CSMD2: variants seen among roughly 807,000 people sequenced by gnomAD.
The protein encoded by CSMD2 is CUB and Sushi multiple domains 2.
A neutral mutation model predicts 398.5 loss-of-function variants in CSMD2; 130 were observed. The observed-to-expected ratio is 0.33, with a 90% CI of 0.28 to 0.38. The LOEUF (loss-of-function observed/expected upper bound fraction) is 0.38, where lower values mean the gene tolerates loss of function less well. Ranked by LOEUF, CSMD2 falls within the 10% of genes least tolerant of loss-of-function variation. The probability of loss-of-function intolerance (pLI) is 1.00; values close to 1 mark genes in which losing one functional copy is unlikely to be tolerated. For synonymous variants in CSMD2, 1,828 were observed against 1,908.5 expected, an observed-to-expected ratio of 0.96 and a Z score of 1.10; for missense variants, 3,829 against 4,764.9, an observed-to-expected ratio of 0.80 and a Z score of 5.78.
At chr1:34,088,830 GA>G in intron 2 of CSMD2, 146 bp downstream of exon 2, 1 of 689,528 alleles carries the variant, frequency 1.5e-6, no homozygotes. Context: ...ACATGAATTG[GA>G]AAACCAGAGG....
chr1:34,009,127 C>T (rs1647161323), intron 3 of CSMD2, among the ~76,000 whole-genome samples: 1 of 152,112 alleles, frequency 6.6e-6, no homozygotes, highest in South Asian at 2.1e-4. Context: ...GACCCTTTCT[C>T]TCTCAGGACT....
intron 3 of CSMD2, among the ~76,000 whole-genome samples, chr1:34,027,109 A>G (rs1649746330): frequency 6.6e-6 from 1 of 152,244 alleles, no homozygotes; most frequent in Admixed American, 6.5e-5. Context: ...ATAAAAATGA[A>G]AACTGCTGTA....
intron 13 of CSMD2, among the ~76,000 whole-genome samples, chr1:33,748,722 C>T (rs1647749718): frequency 6.6e-6 from 1 of 151,956 alleles, no homozygotes; most frequent in Admixed American, 6.5e-5. Flanking sequence ...ACTTTATGTC[C>T]AAAAGCATGA....
intron 1 of CSMD2, among the ~76,000 whole-genome samples, chr1:34,147,292 G>T (rs1157461370): frequency 6.6e-6 from 1 of 151,950 alleles, no homozygotes; most frequent in Non-Finnish European, 1.5e-5. Flanking sequence ...AAGAAATAAA[G>T]AATAAAAAGA....
At chr1:33,932,312 A>G (rs1644337970) in intron 4 of CSMD2, among the ~76,000 whole-genome samples, 1 of 152,150 alleles carries the variant, frequency 6.6e-6, no homozygotes, top group Non-Finnish European at 1.5e-5. Flanking sequence ...ACAGCAACAC[A>G]GTAGATGAGA....
intron 37 of CSMD2, 125 bp from the exon 38 acceptor site, chr1:33,617,742 C>T (rs1641489222): frequency 2.9e-6 from 2 of 694,672 alleles, no homozygotes; most frequent in African/African-American, 3.5e-5. Context: ...TTTCTCTCAT[C>T]CTGTAGGCTA....
chr1:33,923,426 C>T (rs1570519012), intron 4 of CSMD2, among the ~76,000 whole-genome samples: 2 of 152,294 alleles, frequency 1.3e-5, no homozygotes, highest in East Asian at 3.9e-4. Flanking sequence ...CTCCCTGAGG[C>T]CTCCCCAGAA....
intron 2 of CSMD2, among the ~76,000 whole-genome samples, chr1:34,035,413 TGAA>T (rs1558280613): frequency 6.6e-6 from 1 of 151,816 alleles, no homozygotes; most frequent in African/African-American, 2.4e-5. Context: ...TAAAGAAAAA[TGAA>T]GATCAATATT....
At chr1:33,620,027 A>T (rs752463298) in intron 37 of CSMD2, among the ~76,000 whole-genome samples, 26 of 152,322 alleles carry the variant, frequency 1.7e-4, no homozygotes, top group Non-Finnish European at 2.9e-4. Context: ...TGGTAGGAAG[A>T]AAAATGGAAT....
intron 6 of CSMD2, among the ~76,000 whole-genome samples, chr1:33,837,621 T>A (rs1660438996): frequency 6.6e-6 from 1 of 152,220 alleles, no homozygotes; most frequent in African/African-American, 2.4e-5. Flanking sequence ...TTTCTGCGTA[T>A]AACAAGCACA....
intron 3 of CSMD2, among the ~76,000 whole-genome samples, chr1:34,007,149 C>T (rs1647084810): frequency 2.6e-5 from 4 of 152,084 alleles, no homozygotes; most frequent in African/African-American, 9.7e-5. Context: ...GACTGGCCCG[C>T]CTCGACCTGA....
intron 8 of CSMD2, 42 bp from the exon 9 acceptor site, chr1:33,819,879 GC>G: frequency 6.2e-7 from 1 of 1,608,994 alleles, no homozygotes; most frequent in South Asian, 1.1e-5. Flanking sequence ...CCCTGGGCCT[GC>G]CAAGCCCCGC....
At chr1:33,901,752 T>C (rs1451786378) in intron 5 of CSMD2, among the ~76,000 whole-genome samples, 1 of 152,192 alleles carries the variant, frequency 6.6e-6, no homozygotes, top group East Asian at 1.9e-4. Context: ...GAAAAATATT[T>C]GTGAAATAAA....
chr1:34,051,789 G>A (rs961567847), intron 2 of CSMD2, among the ~76,000 whole-genome samples: 1 of 152,164 alleles, frequency 6.6e-6, no homozygotes, highest in East Asian at 1.9e-4. Flanking sequence ...GAGTTGACAA[G>A]GGGTGGATTT....
rs146731551 is a variant in CSMD2 at position 33,952,825 on chromosome 1, A to T, written c.518-16871T>A. On this transcript the variant is annotated intron_variant, in intron 3 of 70. Transcript: ENST00000373381. ...GTAGACACGCAAAAACTATTTCTTG[A>T]ATCAACGACTCTATGAATGAATGGA... Among the ~76,000 whole-genome samples, 39 of 152,322 alleles carry T rather than the reference A, an allele frequency of 2.6e-4. No individual in the cohort carries two copies. The East Asian group carries it at 7.1e-3, about 28-fold the overall frequency.
At chr1:34,101,066 G>A (rs1415387160) in intron 1 of CSMD2, among the ~76,000 whole-genome samples, 28 of 152,212 alleles carry the variant, frequency 1.8e-4, no homozygotes, top group Admixed American at 1.8e-3. Context: ...AATGTGAATG[G>A]AATGGGAGCT....
intron 29 of CSMD2, among the ~76,000 whole-genome samples, chr1:33,637,530 C>A (rs1462678904): frequency 6.6e-6 from 1 of 152,196 alleles, no homozygotes; most frequent in African/African-American, 2.4e-5. Context: ...AGCTGGAAAT[C>A]CTGAGCAGCA....
At position 33,617,450 on chromosome 1, in the gene CSMD2, A is replaced by G. The variant is rs779981801; in HGVS notation, c.5946+49T>C. On this transcript the variant is annotated intron_variant, in intron 38 of 70. Coordinates refer to ENST00000373381, the MANE Select transcript of CSMD2 (RefSeq NM_001281956.2). The stretch of plus-strand genomic sequence containing the variant: ...TCTGCTGGTGTAAGGCTGGCCAACC[A>G]CATCTCAGGGGACACCTGTTTCCTG... 1.7e-5 allele frequency: 24 copies of G among 1,441,182 alleles called. No individual in the cohort carries two copies. In the African/African-American group the frequency reaches 2.7e-4, roughly 16 times the overall value. 89.3% of individuals were successfully genotyped at this position (1,441,182 alleles called of 1,614,324 possible). A position where few individuals can be genotyped will look rare whatever the true frequency, so the allele number is the denominator to read the frequency against.
At position 33,766,373 on chromosome 1, in the gene CSMD2, G is replaced by A. The variant is rs79717516; in HGVS notation, c.1846+6196C>T. Among the ~76,000 whole-genome samples, 978 of 152,266 alleles carry A rather than the reference G, an allele frequency of 6.4e-3. 14 individuals carry two copies. The highest frequency in any genetic ancestry group is 0.023 in the African/African-American group (945 of 41,550). On this transcript the variant is annotated intron_variant, in intron 13 of 70. Transcript: ENST00000373381. Reference sequence around the variant, plus strand: ...AGAAGATGTCAAGTCTATGCCCCATGAGAAGAGGGGCTGTTGCTCTTCTGT... The same window carrying A: ...AGAAGATGTCAAGTCTATGCCCCATAAGAAGAGGGGCTGTTGCTCTTCTGT...
Sources: allele counts gnomAD v4.1 joint callset (sites outside exome capture counted in the v4.1 genomes callset), GRCh38; gene constraint gnomAD v4.1.1; transcripts MANE v1.5; gene names NCBI Gene and HGNC (gene_info 2026-07-23, HGNC 2026-07-21).